PGR: variants seen among roughly 807,000 people sequenced by gnomAD.
PGR encodes nuclear receptor subfamily 3 group C member 3.
PGR carries 25 observed loss-of-function variants against 76.1 expected under a neutral mutation model. The observed-to-expected ratio is 0.33, with a 90% CI of 0.24 to 0.46. The LOEUF (loss-of-function observed/expected upper bound fraction) is 0.46, where lower values mean the gene tolerates loss of function less well. PGR is among the 20% of genes least tolerant of loss of function. The pLI, the probability that PGR is intolerant of heterozygous loss-of-function variation, is 1.00. For missense variants in PGR, 1,172 were observed against 1,225.3 expected (o/e 0.96, Z 0.65); for synonymous variants, 579 against 535.0 (o/e 1.08, Z -1.14).
chr11:101,094,211 G>A (rs556867837), intron 2 of PGR, among the ~76,000 whole-genome samples: 68 of 152,190 alleles, frequency 4.5e-4, no homozygotes, highest in African/African-American at 1.3e-3. Flanking sequence ...CAAAGTTGTC[G>A]AAAACATCAT....
intron 2 of PGR, among the ~76,000 whole-genome samples, chr11:101,113,252 C>G (rs1191513331): frequency 6.6e-6 from 1 of 151,950 alleles, no homozygotes; most frequent in Non-Finnish European, 1.5e-5. Context: ...ATTAACTGTA[C>G]CTTCTGCTAA....
At chr11:101,085,286 C>T (rs1054441299) in intron 3 of PGR, among the ~76,000 whole-genome samples, 1 of 152,050 alleles carries the variant, frequency 6.6e-6, no homozygotes, top group East Asian at 1.9e-4. Flanking sequence ...TCAAGAAGAT[C>T]TGTACAAACC....
chr11:101,043,212 C>T (rs932408275), intron 6 of PGR, among the ~76,000 whole-genome samples: 2 of 152,146 alleles, frequency 1.3e-5, no homozygotes, highest in Non-Finnish European at 2.9e-5. Context: ...CTCCGAAATC[C>T]TTTGTTGTCA....
intron 2 of PGR, among the ~76,000 whole-genome samples, chr11:101,116,096 G>C (rs540871770): frequency 2.6e-4 from 40 of 152,298 alleles, no homozygotes; most frequent in African/African-American, 9.4e-4. Flanking sequence ...GTCAGGTTAG[G>C]TATTGTTGAC....
intron 4 of PGR, among the ~76,000 whole-genome samples, chr11:101,059,136 T>C (rs541625305): frequency 6.6e-6 from 1 of 152,000 alleles, no homozygotes; most frequent in East Asian, 1.9e-4. Context: ...GTTCCTTCTA[T>C]CTAGAATGCT....
At chr11:101,056,551 G>A (rs1893807) in intron 4 of PGR, among the ~76,000 whole-genome samples, 94,889 of 151,008 alleles carry the variant, frequency 0.63, 30,631 homozygotes, top group East Asian at 0.81. Flanking sequence ...GAAGCAGGAC[G>A]ATGGCTTGAG....
intron 2 of PGR, among the ~76,000 whole-genome samples, chr11:101,097,748 A>C (rs916413515): frequency 6.6e-6 from 1 of 151,056 alleles, no homozygotes; most frequent in Non-Finnish European, 1.5e-5. Flanking sequence ...TTAAATGTGA[A>C]GTCTAACAAG....
chr11:101,128,080 C>A lies in PGR; in HGVS notation c.991G>T (p.Gly331Cys). 6.2e-7 allele frequency: 1 copy of A among 1,600,260 alleles called. No individual in the cohort carries two copies. The highest frequency in any genetic ancestry group is 8.5e-7 in the Non-Finnish European group (1 of 1,179,436). The change falls in exon 1 of 8, where the codon GGC becomes TGC. Residue 331 changes from glycine to cysteine, a missense_variant. This residue lies in a region of PGR where 893 missense variants were observed against 785.9 expected (regional missense o/e 1.14). Transcript: ENST00000325455. The stretch of plus-strand genomic sequence containing the variant: ...AAGGCGCTGGCAGCCCCGGCCCCGC[C>A]GTCGTAACTTTCGTCTTCCAGCAGC... ...RQLLEDESYDGGAGAASAFAP... is the reference protein window; with the variant it reads ...RQLLEDESYDCGAGAASAFAP...
intron 6 of PGR, among the ~76,000 whole-genome samples, chr11:101,043,747 A>G (rs1859772464): frequency 6.6e-6 from 1 of 152,238 alleles, no homozygotes; most frequent in Non-Finnish European, 1.5e-5. Flanking sequence ...TATATCCATA[A>G]GAGCTCTTGG....
rs770477966 is a variant in PGR, at chr11:101,127,453, G to T, written c.1618C>A (p.Pro540Thr). ...CCTCACCTCAGGTAGTTGAGATAGG[G>T]CGGGTAGACCTGCGGCAGGCCCTCC... Reference protein sequence around the residue: ...LKEGLPQVYPPYLNYLRPDSE... With the variant: ...LKEGLPQVYPTYLNYLRPDSE... The change falls in exon 1 of 8, where the codon CCC becomes ACC. Residue 540 changes from proline (P) to threonine (T), a missense_variant. This residue lies in a region of PGR where 893 missense variants were observed against 785.9 expected (regional missense o/e 1.14). Transcript: ENST00000325455. 4 of 1,558,948 alleles carry T rather than the reference G, an allele frequency of 2.6e-6. No individual in the cohort carries two copies. The South Asian group carries it at 4.7e-5, about 18-fold the overall frequency.
intron 2 of PGR, among the ~76,000 whole-genome samples, chr11:101,093,115 G>T (rs994281197): frequency 2.6e-5 from 4 of 152,178 alleles, no homozygotes; most frequent in Non-Finnish European, 5.9e-5. Context: ...TTTTCTTAAA[G>T]ATGCATGCCT....
At position 101,062,655 on chromosome 11, in the gene PGR, G is replaced by A. The variant is rs187406579; in HGVS notation, c.2004C>T (p.Ala668=). The change falls in exon 4 of 8, where the codon GCC becomes GCT. Residue 668 remains alanine, a synonymous_variant. Coordinates refer to ENST00000325455, the MANE Select transcript of PGR (RefSeq NM_000926.4). The part of the protein sequence containing the change: ...QPVGVPNESQ[A]LSQRFTFSPG... ...GTGAAAAAGTGAATCTCTGGCTTAG[G>A]GCTTGGCTTTCATTTGGAACGCCCA... is the stretch of plus-strand genomic sequence containing the variant. 2.9e-5 allele frequency: 46 copies of A among 1,613,912 alleles called. No individual in the cohort carries two copies. In the East Asian group the frequency reaches 6.7e-4, roughly 23 times the overall value.
At chr11:101,092,397 G>A (rs1283266829) in intron 2 of PGR, among the ~76,000 whole-genome samples, 2 of 152,160 alleles carry the variant, frequency 1.3e-5, no homozygotes, top group African/African-American at 4.8e-5. Context: ...GGAATCAATG[G>A]AAGAGCATGT....
chr11:101,127,171 A>C (rs921280127), intron 1 of PGR: 5 of 305,076 alleles, frequency 1.6e-5, no homozygotes, highest in Admixed American at 1.0e-4. Context: ...GAAAGTTAAA[A>C]AACAAACAAA....
chr11:101,095,699 C>T (rs1184534506), intron 2 of PGR, among the ~76,000 whole-genome samples: 1 of 152,104 alleles, frequency 6.6e-6, no homozygotes, highest in Non-Finnish European at 1.5e-5. Flanking sequence ...ACATTAGTAC[C>T]TTGGATTGGA....
chr11:101,042,734 C>T (rs1379131), intron 6 of PGR, among the ~76,000 whole-genome samples: 30,541 of 152,014 alleles, frequency 0.2, 4,297 homozygotes, highest in East Asian at 0.77. Context: ...TTCCAGACCA[C>T]GGCAATGAAG....
intron 2 of PGR, among the ~76,000 whole-genome samples, chr11:101,125,529 G>A (rs561365570): frequency 6.6e-6 from 1 of 152,284 alleles, no homozygotes; most frequent in East Asian, 1.9e-4. Context: ...TCAAAAGACA[G>A]TATCATGTAG....
intron 2 of PGR, among the ~76,000 whole-genome samples, chr11:101,119,009 G>A (rs182062439): frequency 1.3e-5 from 2 of 152,280 alleles, no homozygotes; most frequent in Admixed American, 1.3e-4. Context: ...GTTTCTGGAT[G>A]AAATTGTTCT....
rs2135372448 is a variant in PGR, at chr11:101,036,635, A to T, written c.*2481T>A. 5.1e-6 allele frequency: 1 copy of T among 197,994 alleles called. No homozygotes were observed. Among genetic ancestry groups the T allele is most frequent in the African/African-American group, 2.3e-5 (1 of 43,508 alleles). 12.3% of individuals were successfully genotyped at this position (197,994 alleles called of 1,614,324 possible). The stretch of plus-strand genomic sequence containing the variant: ...CATTTGGTGAAGCCATATTCTTTTT[A>T]AAAAGGTACTTTATTTTTAAAGCTT... On this transcript the variant is annotated 3_prime_UTR_variant, in exon 8 of 8. Coordinates refer to ENST00000325455, the MANE Select transcript of PGR (RefSeq NM_000926.4).
Sources: gnomAD v4.1 joint callset for allele counts (sites outside exome capture counted in the v4.1 genomes callset) on GRCh38, gnomAD v4.1.1 for gene constraint, gnomAD v4.1.1 regional missense constraint, MANE v1.5 for transcripts, NCBI Gene and HGNC (gene_info 2026-07-23, HGNC 2026-07-21) for gene names.